LHFPL3: variants seen among roughly 807,000 people sequenced by gnomAD.
LHFPL3 encodes LHFPL tetraspan subfamily member 3, also known as LHFPL tetraspan subfamily member 3 protein.
LHFPL3 carries 5 observed loss-of-function variants against 19.3 expected under a neutral mutation model. The observed-to-expected ratio is 0.26, with a 90% confidence interval of 0.14 to 0.54. LHFPL3 has a LOEUF of 0.54. Ranked by LOEUF, LHFPL3 falls within the 20% of genes least tolerant of loss-of-function variation. LHFPL3 has a pLI of 0.94. For synonymous variants in LHFPL3, 133 were observed against 126.2 expected (o/e 1.05, Z -0.36); for missense variants, 249 against 307.4 (o/e 0.81, Z 1.42).
intron 2 of LHFPL3, among the ~76,000 whole-genome samples, chr7:104,876,954 T>G (rs1215173736): frequency 6.6e-6 from 1 of 152,056 alleles, no homozygotes; most frequent in Non-Finnish European, 1.5e-5. Context: ...CCATAAAAAA[T>G]GATGAGTTCA....
chr7:104,788,870 T>C (rs1483151253), intron 2 of LHFPL3, among the ~76,000 whole-genome samples: 2 of 152,192 alleles, frequency 1.3e-5, no homozygotes, highest in Middle Eastern at 3.2e-3. Context: ...ACAAGAGTTG[T>C]GGTCTAAAGT....
chr7:104,864,562 C>A (rs1347848619), intron 2 of LHFPL3, among the ~76,000 whole-genome samples: 1 of 152,184 alleles, frequency 6.6e-6, no homozygotes. Context: ...AGCAGTGAGG[C>A]TGGGGGAGGG....
intron 1 of LHFPL3, among the ~76,000 whole-genome samples, chr7:104,596,639 C>G (rs1410187482): frequency 6.6e-6 from 1 of 152,162 alleles, no homozygotes; most frequent in African/African-American, 2.4e-5. Context: ...AGCTAGTAAA[C>G]AGAAAACTCT....
At chr7:104,431,837 G>T (rs562465737) in intron 1 of LHFPL3, among the ~76,000 whole-genome samples, 1 of 152,130 alleles carries the variant, frequency 6.6e-6, no homozygotes, top group African/African-American at 2.4e-5. Context: ...GGAAGGCTTA[G>T]GGTTTTCCTC....
At chr7:104,461,085 T>C (rs1395063284) in intron 1 of LHFPL3, among the ~76,000 whole-genome samples, 1 of 152,190 alleles carries the variant, frequency 6.6e-6, no homozygotes, top group Non-Finnish European at 1.5e-5. Flanking sequence ...CAGTTTCACA[T>C]GGCTGGGGAG....
intron 1 of LHFPL3, among the ~76,000 whole-genome samples, chr7:104,526,874 C>A (rs931875075): frequency 1.3e-5 from 2 of 152,110 alleles, no homozygotes; most frequent in Admixed American, 1.3e-4. Context: ...GTTCAAAGTC[C>A]CTGCCCATAT....
intron 2 of LHFPL3, chr7:104,895,264 C>T (rs1044737320): frequency 6.6e-6 from 1 of 152,244 alleles, no homozygotes; most frequent in Non-Finnish European, 1.5e-5. Context: ...GTTTCTGCTG[C>T]ATCTGTAGAA....
intron 1 of LHFPL3, among the ~76,000 whole-genome samples, chr7:104,433,984 A>G (rs895614123): frequency 2.0e-5 from 3 of 152,218 alleles, no homozygotes; most frequent in African/African-American, 7.2e-5. Flanking sequence ...ATCTTACATT[A>G]TATTAACTTA....
chr7:104,719,560 A>G (rs886205615), intron 1 of LHFPL3, among the ~76,000 whole-genome samples: 1 of 152,206 alleles, frequency 6.6e-6, no homozygotes, highest in Non-Finnish European at 1.5e-5. Context: ...TACGTGTAAA[A>G]TGAAATTCTA....
intron 1 of LHFPL3, among the ~76,000 whole-genome samples, chr7:104,518,762 C>T (rs1485387274): frequency 6.6e-6 from 1 of 150,872 alleles, no homozygotes; most frequent in African/African-American, 2.4e-5. Flanking sequence ...CCAACCTGGG[C>T]AACAGAGTGA....
chr7:104,717,126 C>T (rs74913842), intron 1 of LHFPL3, among the ~76,000 whole-genome samples: 5,427 of 152,122 alleles, frequency 0.036, 326 homozygotes, highest in African/African-American at 0.12. Context: ...AAATTGGAAT[C>T]TTATCTTACA....
At chr7:104,464,601 G>T (rs1346423685) in intron 1 of LHFPL3, among the ~76,000 whole-genome samples, 1 of 152,242 alleles carries the variant, frequency 6.6e-6, no homozygotes, top group South Asian at 2.1e-4. Flanking sequence ...CTGCACACCT[G>T]CAGGACTAAT....
At chr7:104,365,787 C>CAAAAAAAAAAAAAAAAAAAAA (rs571171040) in intron 1 of LHFPL3, among the ~76,000 whole-genome samples, 4 of 49,972 alleles carry the variant, frequency 8.0e-5, no homozygotes, top group African/African-American at 3.3e-4. Context: ...GACTCCGTCT[C>CAAAAAAAAAAAAAAAAAAAAA]AAAAAAAAAA....
intron 1 of LHFPL3, among the ~76,000 whole-genome samples, chr7:104,505,396 A>G (rs570224489): frequency 8.5e-5 from 13 of 152,352 alleles, no homozygotes; most frequent in African/African-American, 2.9e-4. Flanking sequence ...TGATAACTAT[A>G]AAGTTCAACC....
At chr7:104,381,605 A>G (rs1790831110) in intron 1 of LHFPL3, among the ~76,000 whole-genome samples, 1 of 151,532 alleles carries the variant, frequency 6.6e-6, no homozygotes, top group Non-Finnish European at 1.5e-5. Context: ...TTTACTATGT[A>G]TCAGGCACTG....
chr7:104,484,879 C>T (rs1006814553), intron 1 of LHFPL3, among the ~76,000 whole-genome samples: 1 of 152,124 alleles, frequency 6.6e-6, no homozygotes, highest in Admixed American at 6.5e-5. Context: ...TTAATCCATT[C>T]ATGAGAGCAG....
intron 1 of LHFPL3, among the ~76,000 whole-genome samples, chr7:104,408,565 C>G (rs1484089263): frequency 6.6e-6 from 1 of 152,166 alleles, no homozygotes; most frequent in African/African-American, 2.4e-5. Flanking sequence ...CAGATCATCT[C>G]TGTGGGGTAA....
At chr7:104,371,623 C>T (rs1175029987) in intron 1 of LHFPL3, among the ~76,000 whole-genome samples, 1 of 146,128 alleles carries the variant, frequency 6.8e-6, no homozygotes, top group African/African-American at 2.6e-5. Flanking sequence ...TGACTTTCCT[C>T]AACTGAGAAA....
intron 1 of LHFPL3, among the ~76,000 whole-genome samples, chr7:104,724,437 T>G (rs1453487757): frequency 6.6e-6 from 1 of 152,178 alleles, no homozygotes; most frequent in African/African-American, 2.4e-5. Context: ...CCATCTAAAG[T>G]TTTAAAAGCT....
Sources: gnomAD v4.1 joint callset for allele counts (sites outside exome capture counted in the v4.1 genomes callset) on GRCh38, gnomAD v4.1.1 for gene constraint, MANE v1.5 for transcripts, NCBI Gene and HGNC (gene_info 2026-07-23, HGNC 2026-07-21) for gene names.